VDAC1: variants seen among roughly 807,000 people sequenced by gnomAD.
VDAC1 encodes voltage dependent anion channel 1.
In VDAC1, 10 loss-of-function variants were observed where a neutral mutation model predicts 34.7. The ratio of observed to expected loss-of-function variants is 0.29; its 90% CI spans 0.18 to 0.49. The LOEUF is 0.49. Ranked by LOEUF, VDAC1 falls within the 20% of genes least tolerant of loss-of-function variation. The pLI, the probability that VDAC1 is intolerant of heterozygous loss-of-function variation, is 0.99. For synonymous variants in VDAC1, 130 were observed against 136.0 expected (o/e 0.96, Z 0.30); for missense variants, 230 against 347.9 (o/e 0.66, Z 2.69).
At chr5:134,021,489 C>A in the VDAC1 span, among the ~76,000 whole-genome samples, 2 of 150,646 alleles carry the variant, frequency 1.3e-5, no homozygotes, top group Middle Eastern at 6.8e-3. Context: ...TTTCCAGCTT[C>A]ATCCATGTCC....
chr5:133,982,556 C>T (rs1561585706), intron 5 of VDAC1, among the ~76,000 whole-genome samples: 1 of 151,386 alleles, frequency 6.6e-6, no homozygotes, highest in Admixed American at 6.6e-5. Flanking sequence ...AATCACATAG[C>T]TGTCATCTTT....
At chr5:134,061,936 T>G in the VDAC1 span, among the ~76,000 whole-genome samples, 1 of 151,740 alleles carries the variant, frequency 6.6e-6, no homozygotes, top group Non-Finnish European at 1.5e-5. Flanking sequence ...TTTGGGAAGT[T>G]CCCTTCAATT....
In VDAC1 at chr5:133,980,642, A is replaced by G. The variant is rs918383453; in HGVS notation, c.551+87T>C. ...TAAAAACTGGGCTTTCTTAAAAAAA[A>G]AAAAAAAAAAACAGTGAAAAGCAAT... On this transcript the variant is annotated intron_variant, in intron 6 of 8. Coordinates refer to ENST00000265333, the MANE Select transcript of VDAC1 (RefSeq NM_003374.3). 1.3e-5 allele frequency: 13 copies of G among 1,024,562 alleles called. No individual in the cohort carries two copies. The African/African-American group carries it at 1.8e-4, about 14-fold the overall frequency. The allele number at this position is 1,024,562 out of a possible 1,614,324, so 63.5% of individuals were successfully genotyped here.
the VDAC1 span, among the ~76,000 whole-genome samples, chr5:134,015,230 G>A: frequency 6.6e-6 from 1 of 151,442 alleles, no homozygotes; most frequent in African/African-American, 2.4e-5. Flanking sequence ...GAGGGAGAGA[G>A]GGGGGCAAGG....
At chr5:134,060,799 C>T in the VDAC1 span, among the ~76,000 whole-genome samples, 1 of 150,332 alleles carries the variant, frequency 6.7e-6, no homozygotes, top group African/African-American at 2.4e-5. Context: ...ATGTATATTA[C>T]ATGGAAACAT....
the VDAC1 span, among the ~76,000 whole-genome samples, chr5:134,096,642 G>C: frequency 6.6e-6 from 1 of 150,466 alleles, no homozygotes; most frequent in Non-Finnish European, 1.5e-5. Flanking sequence ...GTCTCACTCT[G>C]TCACCTAGGC....
chr5:134,098,724 C>A, the VDAC1 span, among the ~76,000 whole-genome samples: 1 of 152,202 alleles, frequency 6.6e-6, no homozygotes, highest in African/African-American at 2.4e-5. Context: ...GCAGCCTGCA[C>A]AAGTGAGGGG....
chr5:134,034,801 G>A, the VDAC1 span, among the ~76,000 whole-genome samples: 1 of 152,124 alleles, frequency 6.6e-6, no homozygotes, highest in African/African-American at 2.4e-5. Flanking sequence ...GTAAGGAAAG[G>A]AGCTGCGAGT....
At chr5:134,083,766 C>G in the VDAC1 span, among the ~76,000 whole-genome samples, 6 of 152,214 alleles carry the variant, frequency 3.9e-5, no homozygotes, top group Non-Finnish European at 8.8e-5. Flanking sequence ...GCCTGTAGGA[C>G]TCAGAGTCCA....
chr5:134,106,525 A>G, the VDAC1 span, among the ~76,000 whole-genome samples: 2 of 151,464 alleles, frequency 1.3e-5, 1 homozygote, highest in South Asian at 4.2e-4. Flanking sequence ...CTCCTGCCTC[A>G]GCCTCCCGAG....
upstream of VDAC1, among the ~76,000 whole-genome samples, chr5:134,008,853 C>T (rs1753792680): frequency 6.6e-6 from 1 of 152,168 alleles, no homozygotes; most frequent in East Asian, 1.9e-4. Flanking sequence ...ACCTAACTTT[C>T]CAATCATTTT....
At chr5:134,007,834 C>A (rs903960052), upstream of VDAC1, among the ~76,000 whole-genome samples, 11 of 152,136 alleles carry the variant, frequency 7.2e-5, no homozygotes, top group African/African-American at 1.2e-4. Flanking sequence ...CCTGTTCTTG[C>A]CATGCGTGGG....
At chr5:134,068,521 T>C in the VDAC1 span, among the ~76,000 whole-genome samples, 66 of 152,150 alleles carry the variant, frequency 4.3e-4, no homozygotes, top group African/African-American at 1.6e-3. Context: ...CCTTTGAAGA[T>C]ATTATTCAGA....
chr5:134,104,179 C>T, the VDAC1 span, among the ~76,000 whole-genome samples: 6 of 152,222 alleles, frequency 3.9e-5, no homozygotes, highest in Non-Finnish European at 7.3e-5. Flanking sequence ...GCCACAGAAC[C>T]AGTCCTACAA....
the VDAC1 span, among the ~76,000 whole-genome samples, chr5:134,106,578 T>G: frequency 6.6e-6 from 1 of 152,036 alleles, no homozygotes; most frequent in Admixed American, 6.5e-5. Context: ...CAGCTAATTT[T>G]TGTATTTTTA....
chr5:133,996,850 A>C (rs1424491012), intron 1 of VDAC1, among the ~76,000 whole-genome samples: 1 of 152,178 alleles, frequency 6.6e-6, no homozygotes, highest in African/African-American at 2.4e-5. Context: ...TCACTGTTGC[A>C]GCATCACCAA....
chr5:133,976,838 G>C (rs1752501046), intron 6 of VDAC1, among the ~76,000 whole-genome samples: 1 of 152,162 alleles, frequency 6.6e-6, no homozygotes, highest in Non-Finnish European at 1.5e-5. Flanking sequence ...GAGGTCAGGA[G>C]TTTGAGACCA....
chr5:134,081,300 G>C, the VDAC1 span, among the ~76,000 whole-genome samples: 1 of 152,000 alleles, frequency 6.6e-6, no homozygotes. Flanking sequence ...GCCTCCCAAA[G>C]TGCTGGGATT....
the VDAC1 span, among the ~76,000 whole-genome samples, chr5:134,059,922 GC>G: frequency 6.8e-6 from 1 of 146,646 alleles, no homozygotes; most frequent in African/African-American, 2.4e-5. Context: ...TTGGGCAGAG[GC>G]CCAGGGAGAC....
Sources: allele counts gnomAD v4.1 joint callset (sites outside exome capture counted in the v4.1 genomes callset), GRCh38; gene constraint gnomAD v4.1.1; transcripts MANE v1.5; gene names NCBI Gene and HGNC (gene_info 2026-07-23, HGNC 2026-07-21).